TBC1D31: variants seen among roughly 807,000 people sequenced by gnomAD.
TBC1D31 encodes the protein TBC1 domain family member 31, also known as WD repeat domain 67.
Under a neutral mutation model 132.9 loss-of-function variants are expected in TBC1D31, and 99 were observed. The ratio of observed to expected loss-of-function variants is 0.74; its 90% CI spans 0.63 to 0.88. TBC1D31 has a LOEUF of 0.88. Ranked by LOEUF, TBC1D31 falls within the 40% of genes least tolerant of loss-of-function variation. The pLI, the probability that TBC1D31 is intolerant of heterozygous loss-of-function variation, is 0.00. For synonymous variants in TBC1D31, 385 were observed against 419.4 expected (o/e 0.92, Z 1.00); for missense variants, 1,134 against 1,256.6 (o/e 0.90, Z 1.48).
At chr8:123,093,528 T>C (rs1816551900) in intron 4 of TBC1D31, 63 bp from the exon 5 acceptor site, 10 of 1,173,748 alleles carry the variant, frequency 8.5e-6, no homozygotes, top group Non-Finnish European at 1.0e-5. Context: ...ACTTGTATAA[T>C]TTTAAATTTA....
At chr8:123,139,324 C>T (rs755497959) in intron 17 of TBC1D31, among the ~76,000 whole-genome samples, 1 of 152,128 alleles carries the variant, frequency 6.6e-6, no homozygotes, top group Non-Finnish European at 1.5e-5. Context: ...TATAATGTAG[C>T]AATTTTGGAA....
chr8:123,119,165 A>G (rs543583851), intron 10 of TBC1D31, among the ~76,000 whole-genome samples: 27 of 152,346 alleles, frequency 1.8e-4, no homozygotes, highest in African/African-American at 6.3e-4. Flanking sequence ...GGCCAAGAGT[A>G]TGAAAAACAG....
intron 12 of TBC1D31, 107 bp downstream of exon 12, chr8:123,126,296 A>G (rs985360873): frequency 7.3e-7 from 1 of 1,374,882 alleles, no homozygotes; most frequent in East Asian, 2.3e-5. Flanking sequence ...AGCATACTAC[A>G]TGTTGTATTT....
At chr8:123,108,474 C>T (rs1230137807) in intron 8 of TBC1D31, among the ~76,000 whole-genome samples, 2 of 152,112 alleles carry the variant, frequency 1.3e-5, no homozygotes, top group African/African-American at 4.8e-5. Flanking sequence ...TGCTTTAATG[C>T]TAGGAATTGC....
At chr8:123,079,284 T>C (rs1354190390) in intron 2 of TBC1D31, among the ~76,000 whole-genome samples, 1 of 152,240 alleles carries the variant, frequency 6.6e-6, no homozygotes, top group Non-Finnish European at 1.5e-5. Flanking sequence ...ATGGTGGTAA[T>C]GTATAAATGT....
the TBC1D31 span, among the ~76,000 whole-genome samples, chr8:123,159,453 C>T: frequency 6.6e-6 from 1 of 152,126 alleles, no homozygotes; most frequent in Non-Finnish European, 1.5e-5. Flanking sequence ...GAGACTATTT[C>T]TGTAGAAAGG....
intron 7 of TBC1D31, among the ~76,000 whole-genome samples, chr8:123,104,731 T>C (rs1817758961): frequency 6.6e-6 from 1 of 152,164 alleles, no homozygotes; most frequent in Non-Finnish European, 1.5e-5. Context: ...AGGTTCTAAG[T>C]CACATTGTCT....
the TBC1D31 span, among the ~76,000 whole-genome samples, chr8:123,162,056 A>G: frequency 6.6e-6 from 1 of 150,550 alleles, no homozygotes; most frequent in African/African-American, 2.5e-5. Flanking sequence ...AATGACATCT[A>G]TATATGCTAT....
chr8:123,088,138 G>A (rs894311857), intron 4 of TBC1D31, among the ~76,000 whole-genome samples: 2 of 150,238 alleles, frequency 1.3e-5, no homozygotes. Flanking sequence ...GCAGTGAGCC[G>A]AAATTGCACC....
intron 6 of TBC1D31, among the ~76,000 whole-genome samples, chr8:123,099,514 C>A (rs1204098328): frequency 6.6e-6 from 1 of 152,108 alleles, no homozygotes; most frequent in Non-Finnish European, 1.5e-5. Context: ...CCTCCACTAC[C>A]CTTGCAACTC....
rs1038189014 is a variant in TBC1D31 at position 123,100,701 on chromosome 8, C to CACAT, written c.832-98_832-95dup. On this transcript the variant is annotated intron_variant, in intron 6 of 21. Coordinates refer to ENST00000287380, the MANE Select transcript of TBC1D31 (RefSeq NM_145647.4). ...ACACACATACACACATATACACACA[C>CACAT]ACATACATACACAAACGTTGCATAC... 8.8e-5 allele frequency: 64 copies of CACAT among 727,934 alleles called. No individual in the cohort carries two copies. In the African/African-American group the frequency reaches 1.1e-3, roughly 12 times the overall value. 45.1% of individuals were successfully genotyped at this position (727,934 alleles called of 1,614,324 possible).
chr8:123,154,685 A>C (rs1319261797), downstream of TBC1D31, among the ~76,000 whole-genome samples: 1 of 152,210 alleles, frequency 6.6e-6, no homozygotes. Context: ...TACTGCTGGC[A>C]TGAGACCCGG....
At chr8:123,084,868 T>TA (rs200871277) in intron 4 of TBC1D31, among the ~76,000 whole-genome samples, 2,178 of 152,206 alleles carry the variant, frequency 0.014, 58 homozygotes, top group African/African-American at 0.05. Flanking sequence ...CAACTTACTG[T>TA]AACCTCTGCC....
the TBC1D31 span, among the ~76,000 whole-genome samples, chr8:123,161,165 G>A: frequency 6.6e-6 from 1 of 152,186 alleles, no homozygotes; most frequent in Non-Finnish European, 1.5e-5. Context: ...GGGGCTCCCC[G>A]ACCAAGACCT....
At chr8:123,146,813 T>A (rs932423045) in intron 20 of TBC1D31, among the ~76,000 whole-genome samples, 1 of 151,746 alleles carries the variant, frequency 6.6e-6, no homozygotes, top group African/African-American at 2.4e-5. Context: ...GCTTCCTGAG[T>A]CGCTGGGACT....
intron 17 of TBC1D31, among the ~76,000 whole-genome samples, chr8:123,139,044 G>C (rs562787478): frequency 6.6e-6 from 1 of 151,764 alleles, no homozygotes; most frequent in African/African-American, 2.4e-5. Context: ...CTGGGCTCAA[G>C]CAGTCCTCCC....
In TBC1D31 at chr8:123,105,440, G is replaced by T. The variant is rs1817835779; in HGVS notation, c.1185G>T (p.Leu395=). The T allele has an allele frequency of 1.4e-5, 23 of 1,609,598 alleles. No homozygotes were observed. The highest frequency in any genetic ancestry group is 2.0e-5 in the Non-Finnish European group (23 of 1,178,130). The stretch of plus-strand genomic sequence containing the variant: ...AAACTAGAATATTAAAACAAGACCT[G>T]ACTGGTGATTTTGAAAGTAAAAAGG... ...KMQTRILKQD[L]TGDFESKKNE... is the part of the protein sequence containing the mutation. Residue 395 remains leucine, a synonymous_variant, in exon 8 of 22, where the codon CTG becomes CTT. Coordinates refer to ENST00000287380, the MANE Select transcript of TBC1D31 (RefSeq NM_145647.4).
At chr8:123,156,768 T>C (rs964640399), downstream of TBC1D31, among the ~76,000 whole-genome samples, 18 of 152,186 alleles carry the variant, frequency 1.2e-4, no homozygotes, top group African/African-American at 4.3e-4. Context: ...TGCCCACCGC[T>C]GGCCTCTCTC....
chr8:123,075,419 C>G (rs1009987094), intron 1 of TBC1D31, among the ~76,000 whole-genome samples: 2 of 152,076 alleles, frequency 1.3e-5, no homozygotes, highest in Admixed American at 6.6e-5. Context: ...AATCCAAAAA[C>G]TAGGCAAGGT....
Sources: gnomAD v4.1 joint callset for allele counts (sites outside exome capture counted in the v4.1 genomes callset) on GRCh38, gnomAD v4.1.1 for gene constraint, MANE v1.5 for transcripts, NCBI Gene and HGNC (gene_info 2026-07-23, HGNC 2026-07-21) for gene names.